VPS13A: variants seen among roughly 807,000 people sequenced by gnomAD.
VPS13A encodes intermembrane lipid transfer protein VPS13A.
In VPS13A, 264 loss-of-function variants were observed where a neutral mutation model predicts 390.9. The observed-to-expected ratio is 0.68, with a 90% CI of 0.61 to 0.75. VPS13A has a LOEUF of 0.75. Ranked by LOEUF, VPS13A falls within the 30% of genes least tolerant of loss-of-function variation. The pLI, the probability that VPS13A is intolerant of heterozygous loss-of-function variation, is 0.00. For missense variants in VPS13A, 3,409 were observed against 3,733.9 expected, an observed-to-expected ratio of 0.91 and a Z score of 2.27; for synonymous variants, 1,231 against 1,227.1, an observed-to-expected ratio of 1.00 and a Z score of -0.07.
At chr9:77,286,009 A>G (rs1020855732) in intron 31 of VPS13A, among the ~76,000 whole-genome samples, 1 of 152,190 alleles carries the variant, frequency 6.6e-6, no homozygotes, top group Non-Finnish European at 1.5e-5. Context: ...TCGGTATTTA[A>G]ATCTCAGGGC....
rs145795842 is a variant in VPS13A at position 77,365,063 on chromosome 9, T to C, written c.8212-397T>C. On this transcript the variant is annotated intron_variant, in intron 59 of 71. Coordinates refer to ENST00000360280, the MANE Select transcript of VPS13A (RefSeq NM_033305.3). ...TGTTTTCAACACCTTCTTTATTTTATTATATTACTGATCTGTGTAGGATGC... is the reference window on the plus strand; with the variant it reads ...TGTTTTCAACACCTTCTTTATTTTACTATATTACTGATCTGTGTAGGATGC... 5.8e-3 allele frequency among the ~76,000 whole-genome samples: 876 copies of C among 152,318 alleles called. 12 individuals are homozygous for C. The highest frequency in any genetic ancestry group is 0.02 in the African/African-American group (846 of 41,576).
At chr9:77,300,143 T>A (rs909913867) in intron 33 of VPS13A, among the ~76,000 whole-genome samples, 2 of 152,218 alleles carry the variant, frequency 1.3e-5, no homozygotes, top group Non-Finnish European at 2.9e-5. Context: ...CTTAATAATA[T>A]GCTGTAAGTT....
intron 19 of VPS13A, among the ~76,000 whole-genome samples, chr9:77,239,166 A>G (rs1327555391): frequency 6.6e-6 from 1 of 151,868 alleles, no homozygotes; most frequent in Non-Finnish European, 1.5e-5. Context: ...TTTCTAATAG[A>G]TCTGTCAGTT....
In VPS13A at chr9:77,213,024, G is replaced by A. The variant is rs756091546; in HGVS notation, c.611G>A (p.Arg204His). 2.0e-5 allele frequency: 32 copies of A among 1,613,662 alleles called. No homozygotes were observed. Among genetic ancestry groups the A allele is most frequent in the Non-Finnish European group, 2.6e-5 (31 of 1,179,916 alleles). ...CATGATGAAACTGAGAAACTGGTTCGTAAGGTAAATAAATACTGTGTTTGT... is the reference window on the plus strand; with the variant it reads ...CATGATGAAACTGAGAAACTGGTTCATAAGGTAAATAAATACTGTGTTTGT... Reference protein sequence around the residue: ...CLHDETEKLVRKLIRLDNLFA... With the variant: ...CLHDETEKLVHKLIRLDNLFA... The change falls in exon 8 of 72, where the codon CGT (arginine) becomes CAT (histidine). Residue 204 changes from arginine (R) to histidine (H), a missense_variant. Physicochemically the swap from Arg to His is conservative, Grantham distance 29 (BLOSUM62 0). Transcript: ENST00000360280.
intron 1 of VPS13A, among the ~76,000 whole-genome samples, chr9:77,181,198 T>G (rs1823995258): frequency 6.6e-6 from 1 of 152,126 alleles, no homozygotes; most frequent in Admixed American, 6.6e-5. Flanking sequence ...TTGGAGGATT[T>G]TTTAAAAACA....
intron 17 of VPS13A, 79 bp downstream of exon 17, chr9:77,228,343 C>A: frequency 1.4e-6 from 2 of 1,388,618 alleles, no homozygotes; most frequent in Non-Finnish European, 2.0e-6. Context: ...CAATCTTAGT[C>A]TTTTGTAAAG....
chr9:77,307,967 T>A lies in VPS13A; in HGVS notation c.3983T>A (p.Ile1328Lys), dbSNP rs1400880109. ...CAGTTCATTCTTAGTCAAGAAGATA[T>A]AACAACTATTTTTAAAACATTGCAT... ...PMEFILSQEDITTIFKTLHGN... is the reference protein window; with the variant it reads ...PMEFILSQEDKTTIFKTLHGN... Residue 1328 changes from isoleucine (I) to lysine (K), a missense_variant, in exon 35 of 72, where the codon ATA becomes AAA. Physicochemically the swap from Ile to Lys is moderately radical, Grantham distance 102. Around this residue, in one of 5 missense-constraint regions of VPS13A, gnomAD observed 2,717 missense variants for 2,917.4 expected, o/e 0.93. Coordinates refer to ENST00000360280, the MANE Select transcript of VPS13A (RefSeq NM_033305.3). 1 of 1,594,228 alleles carries A rather than the reference T, an allele frequency of 6.3e-7. No homozygotes were observed. The highest frequency in any genetic ancestry group is 8.6e-7 in the Non-Finnish European group (1 of 1,162,152).
Position 77,318,396 on chromosome 9 carries a change from T to A in VPS13A, c.5118T>A (p.Thr1706=). ...KMWFLEESNE[T]EKIAPTTELV... ...GGTTTCTTGAAGAATCAAATGAAAC[T>A]GAAAAAATAGCTCCCACAACTGAAT... Residue 1706 remains threonine (T), a synonymous_variant, in exon 41 of 72, where the codon ACT becomes ACA. Transcript: ENST00000360280. 1 of 1,613,866 alleles carries A rather than the reference T, an allele frequency of 6.2e-7. No homozygotes were observed. Among genetic ancestry groups the A allele is most frequent in the Non-Finnish European group, 8.5e-7 (1 of 1,179,878 alleles).
rs188333487 is a variant in VPS13A, at chr9:77,401,363, G to C, written c.9190-1873G>C. 7.0e-3 allele frequency among the ~76,000 whole-genome samples: 1,051 copies of C among 149,560 alleles called. 13 individuals carry two copies. Among genetic ancestry groups the C allele is most frequent in the East Asian group, 0.021 (107 of 5,140 alleles). ...TGTGTGTGTGTGTGTGTGTGTGTGT[G>C]TGTGTGTGTGTAAAAATTGGGAGGG... On this transcript the variant is annotated intron_variant, in intron 68 of 71. Transcript: ENST00000360280.
rs199704970 is a variant in VPS13A, at chr9:77,308,015, A to G, written c.4031A>G (p.Asp1344Gly). Residue 1344 changes from aspartate (D) to glycine (G), a missense_variant, in exon 35 of 72, where the codon GAT (aspartate) becomes GGT (glycine). By Grantham distance (94) the Asp-to-Gly change is moderately conservative. Transcript: ENST00000360280. ...CATGGCAATATATGGTATGAAAAAGATGGTAGTGCCTCACCTGCTGTAACA... is the reference window on the plus strand; with the variant it reads ...CATGGCAATATATGGTATGAAAAAGGTGGTAGTGCCTCACCTGCTGTAACA... ...TLHGNIWYEKDGSASPAVTKD... is the reference protein window; with the variant it reads ...TLHGNIWYEKGGSASPAVTKD... 21 of 1,611,928 alleles carry G rather than the reference A, an allele frequency of 1.3e-5. No homozygotes were observed. The highest frequency in any genetic ancestry group is 3.3e-4 in the Middle Eastern group (2 of 6,074).
chr9:77,378,694 T>A (rs1166411825), intron 67 of VPS13A, among the ~76,000 whole-genome samples: 2 of 151,992 alleles, frequency 1.3e-5, no homozygotes, highest in Admixed American at 6.6e-5. Flanking sequence ...CTATTTCTTT[T>A]ATCTCTGCTC....
chr9:77,324,524 T>C (rs2131458970), intron 45 of VPS13A, among the ~76,000 whole-genome samples: 1 of 152,348 alleles, frequency 6.6e-6, no homozygotes, highest in South Asian at 2.1e-4. Context: ...TTTGTTAGTA[T>C]GATGAATTAC....
chr9:77,290,178 C>T (rs1827568686), intron 31 of VPS13A, among the ~76,000 whole-genome samples: 1 of 152,116 alleles, frequency 6.6e-6, no homozygotes, highest in Non-Finnish European at 1.5e-5. Flanking sequence ...TTTATTTCAC[C>T]CTAATTTTTC....
chr9:77,269,555 A>G (rs1826235081), intron 23 of VPS13A, among the ~76,000 whole-genome samples: 1 of 152,198 alleles, frequency 6.6e-6, no homozygotes. Context: ...ATCAATTTCC[A>G]CAAAAATTCT....
At chr9:77,409,385 A>G (rs1229433354) in intron 71 of VPS13A, among the ~76,000 whole-genome samples, 2 of 152,246 alleles carry the variant, frequency 1.3e-5, no homozygotes, top group Non-Finnish European at 2.9e-5. Flanking sequence ...TCTAAAAATC[A>G]GAGTACCTCT....
At chr9:77,283,686 T>C in intron 31 of VPS13A, 36 bp downstream of exon 31, 1 of 1,458,462 alleles carries the variant, frequency 6.9e-7, no homozygotes, top group Non-Finnish European at 9.5e-7. Flanking sequence ...AGTACATCAT[T>C]AAATAGGATT....
chr9:77,283,375 G>C lies in VPS13A; in HGVS notation c.3139G>C (p.Glu1047Gln), dbSNP rs773390748. ...KKLALKLSTNEDIITLQILAE... is the reference protein window; with the variant it reads ...KKLALKLSTNQDIITLQILAE... ...TGCAGCTTTAAAACTATCCACAAAT[G>C]AAGATATCATTACTTTGCAGATTTT... Residue 1047 changes from glutamate to glutamine, a missense_variant, in exon 30 of 72, where the codon GAA becomes CAA. Transcript: ENST00000360280. 2.5e-6 allele frequency: 4 copies of C among 1,599,538 alleles called. No homozygotes were observed. The highest frequency in any genetic ancestry group is 3.4e-6 in the Non-Finnish European group (4 of 1,168,312).
chr9:77,334,433 A>G (rs1423356181), intron 46 of VPS13A, among the ~76,000 whole-genome samples: 1 of 152,024 alleles, frequency 6.6e-6, no homozygotes, highest in Admixed American at 6.6e-5. Context: ...TGTTTTCCTT[A>G]TTCATTCCTT....
intron 68 of VPS13A, among the ~76,000 whole-genome samples, chr9:77,399,169 AAAAAAAAAAAAT>A (rs1169497571): frequency 2.2e-4 from 21 of 97,638 alleles, no homozygotes; most frequent in African/African-American, 7.6e-4. Context: ...GAGTATAATA[AAAAAAAAAAAAT>A]AAAAAAAAAA....
Sources: gnomAD v4.1 joint callset for allele counts (sites outside exome capture counted in the v4.1 genomes callset) on GRCh38, gnomAD v4.1.1 for gene constraint, gnomAD v4.1.1 regional missense constraint, MANE v1.5 for transcripts, NCBI Gene and HGNC (gene_info 2026-07-23, HGNC 2026-07-21) for gene names.